The following BRIP1 variants were observed in gnomAD, a reference collection of about 807,000 sequenced individuals.
The protein encoded by BRIP1 is Fanconi anemia group J protein.
A neutral mutation model predicts 119.7 loss-of-function variants in BRIP1; 88 were observed. The ratio of observed to expected loss-of-function variants is 0.74; its 90% CI spans 0.62 to 0.88. The LOEUF is 0.88. BRIP1 is among the 40% of genes least tolerant of loss of function. The pLI, the probability that BRIP1 is intolerant of heterozygous loss-of-function variation, is 0.00. For synonymous variants in BRIP1, 443 were observed against 496.5 expected (o/e 0.89, Z 1.43); for missense variants, 1,259 against 1,455.4 (o/e 0.87, Z 2.20).
rs535108115 is a variant in BRIP1 at position 61,844,618 on chromosome 17, C to G, written c.627+2483G>C. 1.3e-5 allele frequency among the ~76,000 whole-genome samples: 2 copies of G among 151,804 alleles called. No individual in the cohort carries two copies. Among genetic ancestry groups the G allele is most frequent in the Non-Finnish European group, 2.9e-5 (2 of 67,922 alleles). On this transcript the variant is annotated intron_variant, in intron 6 of 19. Coordinates refer to ENST00000259008, the MANE Select transcript of BRIP1 (RefSeq NM_032043.3). This position sits in a 1 kb window ranked among gnomAD's most constrained non-coding sequence, Gnocchi z 4.7. ...AAATAAAGCAAACAAAAACAATTCC[C>G]AAGAAAAAAAAATCTTAATCACAGG... is the stretch of plus-strand genomic sequence containing the variant.
In BRIP1 at chr17:61,690,424, A is replaced by C. The variant is rs2061431027; in HGVS notation, c.2575+3006T>G. Reference sequence around the variant, plus strand: ...GGGTATAATTTGTGACTTTAATAATAAAATGTGATGGGAAAAGTAAAAGTG... The same window carrying C: ...GGGTATAATTTGTGACTTTAATAATCAAATGTGATGGGAAAAGTAAAAGTG... On this transcript the variant is annotated intron_variant, in intron 18 of 19. Coordinates refer to ENST00000259008, the MANE Select transcript of BRIP1 (RefSeq NM_032043.3). This position sits in a 1 kb window ranked among gnomAD's most constrained non-coding sequence, Gnocchi z 5.6. 6.6e-6 allele frequency among the ~76,000 whole-genome samples: 1 copy of C among 152,228 alleles called. No homozygotes were observed. The highest frequency in any genetic ancestry group is 1.5e-5 in the Non-Finnish European group (1 of 68,046).
chr17:61,697,005 G>GAAAAAAAAAAAAA (rs1567740818), intron 17 of BRIP1, among the ~76,000 whole-genome samples: 1 of 114,204 alleles, frequency 8.8e-6, no homozygotes. Flanking sequence ...AAAAAAAAAG[G>GAAAAAAAAAAAAA]GGGGGGGAAG....
intron 6 of BRIP1, among the ~76,000 whole-genome samples, chr17:61,820,704 C>A (rs773790682): frequency 1.4e-4 from 21 of 152,238 alleles, no homozygotes; most frequent in Non-Finnish European, 2.5e-4. Context: ...AATCCCAACA[C>A]TTTGGGAGAC....
At chr17:61,711,396 T>C (rs549950737) in intron 17 of BRIP1, among the ~76,000 whole-genome samples, 1 of 151,574 alleles carries the variant, frequency 6.6e-6, no homozygotes, top group South Asian at 2.1e-4. Context: ...AAAAAAAAAA[T>C]GTCAATCAGC....
intron 6 of BRIP1, among the ~76,000 whole-genome samples, chr17:61,830,166 T>C (rs1165984625): frequency 1.3e-5 from 2 of 151,870 alleles, no homozygotes; most frequent in South Asian, 2.1e-4. Flanking sequence ...ACTCCTGGCC[T>C]CAGGTGATAC....
At position 61,699,900 on chromosome 17, in the gene BRIP1, GAAAT is replaced by G. The variant is rs2061586973; in HGVS notation, c.2493-6392_2493-6389del. 6.6e-6 allele frequency among the ~76,000 whole-genome samples: 1 copy of G among 152,194 alleles called. No homozygotes were observed. Among genetic ancestry groups the G allele is most frequent in the Non-Finnish European group, 1.5e-5 (1 of 68,038 alleles). ...GGGTGCTAATGAGTTCCTCTGATTG[GAAAT>G]ATTTGACACATGTTGCCACAACTCA... On this transcript the variant is annotated intron_variant, in intron 17 of 19. Coordinates refer to ENST00000259008, the MANE Select transcript of BRIP1 (RefSeq NM_032043.3). This position sits in a 1 kb window ranked among gnomAD's most constrained non-coding sequence, Gnocchi z 4.8.
At chr17:61,858,968 G>A (rs548033474) in intron 3 of BRIP1, among the ~76,000 whole-genome samples, 1 of 151,276 alleles carries the variant, frequency 6.6e-6, no homozygotes, top group South Asian at 2.1e-4. Flanking sequence ...GGCTGAAGCA[G>A]GAGAATCACT....
chr17:61,720,127 C>T lies in BRIP1; in HGVS notation c.2380-4064G>A, dbSNP rs1316717189. On this transcript the variant is annotated intron_variant, in intron 16 of 19. Transcript: ENST00000259008. This position sits in a 1 kb window ranked among gnomAD's most constrained non-coding sequence, Gnocchi z 4.3. ...CTAGGAATACAGGCATGAGCCACTG[C>T]GTCTGGCTGAGATTTGTTAAAGGAT... Among the ~76,000 whole-genome samples, 4 of 152,076 alleles carry T rather than the reference C, an allele frequency of 2.6e-5. No homozygotes were observed. Among genetic ancestry groups the T allele is most frequent in the Non-Finnish European group, 5.9e-5 (4 of 68,020 alleles).
At chr17:61,782,616 C>T (rs937800432) in intron 11 of BRIP1, among the ~76,000 whole-genome samples, 2 of 152,074 alleles carry the variant, frequency 1.3e-5, no homozygotes, top group African/African-American at 2.4e-5. Context: ...ATATCTCTTA[C>T]AGGACTGACA....
chr17:61,784,008 G>A (rs551014490), intron 11 of BRIP1: 1 of 332,224 alleles, frequency 3.0e-6, no homozygotes, highest in East Asian at 6.5e-5. Flanking sequence ...CTTAAGCCCA[G>A]GAGGTCAAAG....
chr17:61,716,175 TTTTG>T (rs746041043), intron 16 of BRIP1, 112 bp from the exon 17 acceptor site: 7 of 730,500 alleles, frequency 9.6e-6, no homozygotes, highest in Non-Finnish European at 1.5e-5. Flanking sequence ...AGAGATTTTA[TTTTG>T]TTTTTCAGTA....
chr17:61,741,639 C>A (rs2076988362), intron 16 of BRIP1, among the ~76,000 whole-genome samples: 1 of 152,160 alleles, frequency 6.6e-6, no homozygotes, highest in South Asian at 2.1e-4. Flanking sequence ...TCTTGAGTGA[C>A]CACATGTGTG....
intron 10 of BRIP1, among the ~76,000 whole-genome samples, chr17:61,791,698 C>T (rs1262032221): frequency 6.6e-6 from 1 of 151,890 alleles, no homozygotes; most frequent in Non-Finnish European, 1.5e-5. Context: ...CCTACATCAC[C>T]CCTGCCCCAT....
intron 10 of BRIP1, among the ~76,000 whole-genome samples, chr17:61,791,784 A>G (rs1403528933): frequency 6.6e-6 from 1 of 152,174 alleles, no homozygotes; most frequent in African/African-American, 2.4e-5. Context: ...GAATATAGTG[A>G]GTGATTAATG....
rs1009932810 is a variant in BRIP1 at position 61,860,688 on chromosome 17, A to G, written c.93+759T>C. Among the ~76,000 whole-genome samples the G allele has an allele frequency of 6.6e-6, 1 of 152,322 alleles. No homozygotes were observed. Among genetic ancestry groups the G allele is most frequent in the Non-Finnish European group, 1.5e-5 (1 of 68,030 alleles). ...AACAAAAAGAAAAAAGGAAGTTCAC[A>G]GCAGCATTGTTTGTAACTGCAAAAG... On this transcript the variant is annotated intron_variant, in intron 2 of 19. Coordinates refer to ENST00000259008, the MANE Select transcript of BRIP1 (RefSeq NM_032043.3). This position sits in a 1 kb window ranked among gnomAD's most constrained non-coding sequence, Gnocchi z 4.1.
chr17:61,785,827 T>C (rs910445853), intron 10 of BRIP1, among the ~76,000 whole-genome samples: 1 of 152,102 alleles, frequency 6.6e-6, no homozygotes, highest in Admixed American at 6.6e-5. Context: ...GGTGAGGCGC[T>C]GTACTAAAAA....
At chr17:61,773,492 T>C (rs994300441) in intron 14 of BRIP1, among the ~76,000 whole-genome samples, 13 of 152,078 alleles carry the variant, frequency 8.5e-5, no homozygotes, top group Admixed American at 7.2e-4. Flanking sequence ...ATTCAGAACA[T>C]AGGCATGGGC....
chr17:61,680,721 C>T lies in BRIP1; in HGVS notation c.*2575G>A, dbSNP rs1249130388. Among the ~76,000 whole-genome samples, 1 of 152,024 alleles carries T rather than the reference C, an allele frequency of 6.6e-6. No individual in the cohort carries two copies. Among genetic ancestry groups the T allele is most frequent in the Non-Finnish European group, 1.5e-5 (1 of 67,986 alleles). ...GTCTCGATCTCCTGACCTCGTGATC[C>T]GCCCGCCTCGGCCTCCCAAAGTGCT... is the stretch of plus-strand genomic sequence containing the variant. On this transcript the variant is annotated 3_prime_UTR_variant, in exon 20 of 20. Coordinates refer to ENST00000259008, the MANE Select transcript of BRIP1 (RefSeq NM_032043.3).
Position 61,831,319 on chromosome 17 carries a change from A to G in BRIP1, c.627+15782T>C, listed in dbSNP as rs888012392. 2.6e-5 allele frequency among the ~76,000 whole-genome samples: 4 copies of G among 152,352 alleles called. No homozygotes were observed. The highest frequency in any genetic ancestry group is 4.4e-5 in the Non-Finnish European group (3 of 68,030). Reference sequence around the variant, plus strand: ...AACAGTATTTACTAGAGAATGAAACATGCAACTTTGGGTACTTAGAAAGTC... The same window carrying G: ...AACAGTATTTACTAGAGAATGAAACGTGCAACTTTGGGTACTTAGAAAGTC... On this transcript the variant is annotated intron_variant, in intron 6 of 19. Coordinates refer to ENST00000259008, the MANE Select transcript of BRIP1 (RefSeq NM_032043.3). The surrounding 1 kb of genome is among the most constrained non-coding windows in gnomAD (Gnocchi z 4.1).
Sources: gnomAD v4.1 joint callset for allele counts (sites outside exome capture counted in the v4.1 genomes callset) on GRCh38, gnomAD v4.1.1 for gene constraint, Gnocchi (gnomAD v3.1) non-coding constraint, MANE v1.5 for transcripts, NCBI Gene and HGNC (gene_info 2026-07-23, HGNC 2026-07-21) for gene names.